TUBA8: variants seen among roughly 807,000 people sequenced by gnomAD.
The protein encoded by TUBA8 is tubulin alpha-8 chain.
A neutral mutation model predicts 34.7 loss-of-function variants in TUBA8; 29 were observed. That is an observed-to-expected ratio of 0.84 (90% CI 0.62 to 1.14). TUBA8 has a LOEUF of 1.14. TUBA8 is among the 50% of genes most tolerant of loss of function. TUBA8 has a pLI of 0.00. For synonymous variants in TUBA8, 226 were observed against 231.2 expected (o/e 0.98, Z 0.21); for missense variants, 541 against 599.2 (o/e 0.90, Z 1.01).
In TUBA8 at chr22:18,124,297, G is replaced by A. The variant is rs769713462; in HGVS notation, c.368G>A (p.Arg123Gln). Residue 123 changes from arginine (R) to glutamine (Q), a missense_variant, in exon 3 of 5, where the codon CGG (arginine) becomes CAG (glutamine). Physicochemically the swap from Arg to Gln is conservative, Grantham distance 43 (BLOSUM62 1). Transcript: ENST00000330423. The surrounding 1 kb of genome is among the most constrained non-coding windows in gnomAD (Gnocchi z 4.3). ...ESIDLVLDRI[R>Q]KLTDACSGLQ... ...ATTGACCTGGTGCTGGACCGCATAC[G>A]GAAGCTGGTAAGATCAGGAGGGCAG... The A allele has an allele frequency of 7.4e-6, 12 of 1,613,680 alleles. No individual in the cohort carries two copies. The highest frequency in any genetic ancestry group is 2.2e-5 in the East Asian group (1 of 44,880).
At chr22:18,112,444 G>A (rs1343067305) in intron 1 of TUBA8, 1 of 152,178 alleles carries the variant, frequency 6.6e-6, no homozygotes, top group Non-Finnish European at 1.5e-5. Context: ...CAGGTAGCTA[G>A]TGTTTTAGGA....
intron 3 of TUBA8, chr22:18,125,369 G>A (rs903813924): frequency 3.9e-5 from 6 of 151,982 alleles, no homozygotes; most frequent in African/African-American, 1.2e-4. Context: ...CAAAAAATTA[G>A]CTGGGCATGG....
In TUBA8 at chr22:18,110,861, CAGCGATGGTG is replaced by C. The variant is rs1160947614; in HGVS notation, c.-2_3+5del. On this transcript the variant is annotated splice_donor_variant and splice_donor_region_variant and coding_sequence_variant and 5_prime_UTR_variant and intron_variant, in exon 1 of 5. Transcript: ENST00000330423. LOFTEE classifies it high-confidence loss of function. This position sits in a 1 kb window ranked among gnomAD's most constrained non-coding sequence, Gnocchi z 6.2. ...AGAGGTGCGCGGGCGAGGACAGCGG[CAGCGATGGTG>C]AGGCTTCCCGGGGCCAGGCGGGCTG... 2 of 1,546,864 alleles carry C rather than the reference CAGCGATGGTG, an allele frequency of 1.3e-6. No homozygotes were observed. Among genetic ancestry groups the C allele is most frequent in the Admixed American group, 3.9e-5 (2 of 51,880 alleles).
intron 4 of TUBA8, 193 bp from the exon 5 acceptor site, chr22:18,130,650 T>C: frequency 1.5e-6 from 1 of 666,826 alleles, no homozygotes; most frequent in Non-Finnish European, 2.5e-6. Flanking sequence ...TGCTTCCACT[T>C]TCTCTTCAGC....
chr22:18,130,780 T>G, intron 4 of TUBA8, 63 bp from the exon 5 acceptor site: 3,194 of 1,562,670 alleles, frequency 2.0e-3, no homozygotes, highest in Non-Finnish European at 2.6e-3. Flanking sequence ...TGTCCCATCC[T>G]GAGTTATCCT....
intron 1 of TUBA8, chr22:18,114,688 T>TA (rs1927913416): frequency 6.6e-6 from 1 of 152,168 alleles, no homozygotes; most frequent in Non-Finnish European, 1.5e-5. Flanking sequence ...TAATTCGGTG[T>TA]AATCACATGC....
chr22:18,128,827 G>T (rs1330728948), intron 4 of TUBA8: 1 of 152,296 alleles, frequency 6.6e-6, no homozygotes, highest in Non-Finnish European at 1.5e-5. Context: ...GATTACAGGC[G>T]TGAGCCACCA....
rs551318147 is a variant in TUBA8 at position 18,126,596 on chromosome 22, C to T, written c.618C>T (p.Asn206=). The T allele has an allele frequency of 1.1e-4, 180 of 1,614,154 alleles. No homozygotes were observed. Among genetic ancestry groups the T allele is most frequent in the Admixed American group, 1.5e-4 (9 of 60,016 alleles). ...CAGATTGTGCTTTCATGGTGGACAA[C>T]GAAGCCATCTATGACATCTGCCGCA... ...EHSDCAFMVD[N]EAIYDICRRN... Residue 206 remains asparagine (N), a synonymous_variant, in exon 4 of 5, where the codon AAC becomes AAT. Transcript: ENST00000330423. The surrounding 1 kb of genome is among the most constrained non-coding windows in gnomAD (Gnocchi z 4.0).
chr22:18,120,482 G>A lies in TUBA8; in HGVS notation c.4-997G>A, dbSNP rs948331343. 1.2e-4 allele frequency: 19 copies of A among 152,216 alleles called. 1 individual carries two copies. The highest frequency in any genetic ancestry group is 3.1e-4 in the African/African-American group (13 of 41,456). 9.4% of individuals were successfully genotyped at this position (152,216 alleles called of 1,614,324 possible). A position where few individuals can be genotyped will look rare whatever the true frequency, so the allele number is the denominator to read the frequency against. ...GGGTTCATTCTTTTTTGGGGGCTGC[G>A]TAGTATTCCATGGTGTATATGAATG... On this transcript the variant is annotated intron_variant, in intron 1 of 4. Coordinates refer to ENST00000330423, the MANE Select transcript of TUBA8 (RefSeq NM_018943.3).
Position 18,126,774 on chromosome 22 carries a change from C to T in TUBA8, c.796C>T (p.His266Tyr), listed in dbSNP as rs773585722. 1.5e-5 allele frequency: 25 copies of T among 1,614,118 alleles called. No individual in the cohort carries two copies. Among genetic ancestry groups the T allele is most frequent in the Non-Finnish European group, 2.1e-5 (25 of 1,180,016 alleles). ...CAACCTGGTGCCCTACCCCCGCATC[C>T]ACTTCCCGCTGGTCACCTACGCGCC... ...QTNLVPYPRIHFPLVTYAPII... is the reference protein window; with the variant it reads ...QTNLVPYPRIYFPLVTYAPII... Residue 266 changes from histidine to tyrosine, a missense_variant, in exon 4 of 5, where the codon CAC becomes TAC. Physicochemically the swap from His to Tyr is moderately conservative, Grantham distance 83 (BLOSUM62 2). Transcript: ENST00000330423. This position sits in a 1 kb window ranked among gnomAD's most constrained non-coding sequence, Gnocchi z 4.0.
Position 18,126,024 on chromosome 22 carries a change from G to A in TUBA8, c.376-330G>A. 2.8e-6 allele frequency: 1 copy of A among 355,786 alleles called. No individual in the cohort carries two copies. Among genetic ancestry groups the A allele is most frequent in the Admixed American group, 4.4e-5 (1 of 22,488 alleles). The allele number at this position is 355,786 out of a possible 1,614,324, so 22.0% of individuals were successfully genotyped here. A position where few individuals can be genotyped will look rare whatever the true frequency, so the allele number is the denominator to read the frequency against. On this transcript the variant is annotated intron_variant, in intron 3 of 4. Coordinates refer to ENST00000330423, the MANE Select transcript of TUBA8 (RefSeq NM_018943.3). This position sits in a 1 kb window ranked among gnomAD's most constrained non-coding sequence, Gnocchi z 4.0. ...CTACAGGTGTGCATCACCACGCCCAGTTAACTTTTAAAATTTTTTGTAGAT... is the reference window on the plus strand; with the variant it reads ...CTACAGGTGTGCATCACCACGCCCAATTAACTTTTAAAATTTTTTGTAGAT...
chr22:18,122,730 T>C (rs1405631846), intron 2 of TUBA8: 1 of 152,116 alleles, frequency 6.6e-6, no homozygotes, highest in Non-Finnish European at 1.5e-5. Flanking sequence ...GGGACAACTC[T>C]TGGGGGTCTA....
chr22:18,116,797 C>T (rs1927990310), intron 1 of TUBA8: 1 of 152,306 alleles, frequency 6.6e-6, no homozygotes, highest in Non-Finnish European at 1.5e-5. Flanking sequence ...GAGTCGAGCT[C>T]AGTGCCTGAG....
Position 18,121,840 on chromosome 22 carries a change from T to C in TUBA8, c.226+139T>C. The C allele has an allele frequency of 1.3e-6, 1 of 764,504 alleles. No individual in the cohort carries two copies. The highest frequency in any genetic ancestry group is 2.2e-6 in the Non-Finnish European group (1 of 463,824). The allele number at this position is 764,504 out of a possible 1,614,324, so 47.4% of individuals were successfully genotyped here. A position where few individuals can be genotyped will look rare whatever the true frequency, so the allele number is the denominator to read the frequency against. On this transcript the variant is annotated intron_variant, in intron 2 of 4. Coordinates refer to ENST00000330423, the MANE Select transcript of TUBA8 (RefSeq NM_018943.3). The surrounding 1 kb of genome is among the most constrained non-coding windows in gnomAD (Gnocchi z 4.8). ...GCAGCCTCCCACCCCACGTGACATCTGTCAGCTCCTTGGGGTCCCCACAGT... is the reference window on the plus strand; with the variant it reads ...GCAGCCTCCCACCCCACGTGACATCCGTCAGCTCCTTGGGGTCCCCACAGT...
At chr22:18,122,126 T>G in intron 2 of TUBA8, 1 of 173,852 alleles carries the variant, frequency 5.8e-6, no homozygotes, top group Non-Finnish European at 1.3e-5. Flanking sequence ...GCAGGCACAT[T>G]GCTTCACAGC....
intron 1 of TUBA8, chr22:18,116,962 C>G (rs1927994505): frequency 1.3e-5 from 2 of 152,250 alleles, no homozygotes. Flanking sequence ...CATGGAACTT[C>G]AAAGCCCTAG....
Position 18,119,010 on chromosome 22 carries a change from A to G in TUBA8, c.4-2469A>G. On this transcript the variant is annotated intron_variant, in intron 1 of 4. Transcript: ENST00000330423. This position sits in a 1 kb window ranked among gnomAD's most constrained non-coding sequence, Gnocchi z 5.9. ...CAGGCTGGGGGCCGGGCAGCACTGT[A>G]GGCAGGACTAGAGGGTGGTCGGGAT... 1 of 152,540 alleles carries G rather than the reference A, an allele frequency of 6.6e-6. No individual in the cohort carries two copies. The allele number at this position is 152,540 out of a possible 1,614,324, so 9.4% of individuals were successfully genotyped here.
Position 18,131,506 on chromosome 22 carries a change from G to T in TUBA8, c.*370G>T. On this transcript the variant is annotated 3_prime_UTR_variant, in exon 5 of 5. Coordinates refer to ENST00000330423, the MANE Select transcript of TUBA8 (RefSeq NM_018943.3). The surrounding 1 kb of genome is among the most constrained non-coding windows in gnomAD (Gnocchi z 5.3). The stretch of plus-strand genomic sequence containing the variant: ...AGTGGGAACACTCAGAGAAAGGGGA[G>T]ATCTGGGCCTGGGAAGATTCCGGGG... The T allele has an allele frequency of 3.1e-6, 1 of 321,198 alleles. No homozygotes were observed. The allele number at this position is 321,198 out of a possible 1,614,324, so 19.9% of individuals were successfully genotyped here.
rs984311852 is a variant in TUBA8, at chr22:18,126,619, G to A, written c.641G>A (p.Arg214His). The A allele has an allele frequency of 1.5e-5, 25 of 1,613,968 alleles. No individual in the cohort carries two copies. Among genetic ancestry groups the A allele is most frequent in the African/African-American group, 4.0e-5 (3 of 74,888 alleles). The change falls in exon 4 of 5, where the codon CGC becomes CAC. Residue 214 changes from arginine (R) to histidine (H), a missense_variant. Transcript: ENST00000330423. The surrounding 1 kb of genome is among the most constrained non-coding windows in gnomAD (Gnocchi z 4.0). ...VDNEAIYDIC[R>H]RNLDIERPTY... is the part of the protein sequence containing the mutation. ...AACGAAGCCATCTATGACATCTGCC[G>A]CAGGAACCTTGACATTGAGCGCCCT... is the stretch of plus-strand genomic sequence containing the variant.
Sources: gnomAD v4.1 joint callset for allele counts on GRCh38, gnomAD v4.1.1 for gene constraint, Gnocchi (gnomAD v3.1) non-coding constraint, MANE v1.5 for transcripts, NCBI Gene and HGNC (gene_info 2026-07-23, HGNC 2026-07-21) for gene names.